The following PRKX variants were observed in gnomAD, a reference collection of about 807,000 sequenced individuals.
PRKX encodes the protein protein kinase cAMP-dependent X-linked catalytic subunit.
PRKX carries 12 observed loss-of-function variants against 22.0 expected under a neutral mutation model. That is an observed-to-expected ratio of 0.54 (90% CI 0.35 to 0.88). The LOEUF (loss-of-function observed/expected upper bound fraction) is 0.88. PRKX is among the 40% of genes least tolerant of loss of function. The pLI is 0.01. For missense variants in PRKX, 217 were observed against 308.0 expected (o/e 0.70, Z 2.21); for synonymous variants, 134 against 137.7 (o/e 0.97, Z 0.19).
chrX:3,650,347 C>T (rs1337493932), intron 3 of PRKX, among the ~76,000 whole-genome samples: 4 of 105,730 alleles, frequency 3.8e-5, no homozygotes, highest in Non-Finnish European at 7.8e-5. Context: ...CAGTGAAACC[C>T]CGTCTCTACT....
chrX:3,610,928 A>C (rs766501743), intron 8 of PRKX: 6 of 111,760 alleles, frequency 5.4e-5, no homozygotes, highest in Non-Finnish European at 9.4e-5. Context: ...AAACAAAAAG[A>C]AGTAAACACA....
chrX:3,638,720 G>C (rs1183493377), intron 4 of PRKX, among the ~76,000 whole-genome samples: 1 of 110,728 alleles, frequency 9.0e-6, no homozygotes, highest in Non-Finnish European at 1.9e-5. Flanking sequence ...AGAGATAGAG[G>C]GATAGGTAGG....
intron 1 of PRKX, among the ~76,000 whole-genome samples, chrX:3,677,633 A>C (rs369739400): frequency 2.7e-5 from 3 of 112,230 alleles, no homozygotes; most frequent in Admixed American, 9.5e-5. Context: ...GTTGTACTTA[A>C]GCTACCAATT....
intron 1 of PRKX, among the ~76,000 whole-genome samples, chrX:3,676,578 C>A (rs1927960410): frequency 8.9e-6 from 1 of 112,324 alleles, no homozygotes; most frequent in Non-Finnish European, 1.9e-5. Context: ...GAAACTCTGG[C>A]ATTTGCAGCA....
intron 1 of PRKX, among the ~76,000 whole-genome samples, chrX:3,679,785 C>T (rs1471567995): frequency 8.9e-6 from 1 of 112,044 alleles, no homozygotes; most frequent in Middle Eastern, 4.2e-3. Flanking sequence ...ATGGCAATCT[C>T]GGGAAGGTGT....
intron 1 of PRKX, among the ~76,000 whole-genome samples, chrX:3,689,858 T>G (rs972154864): frequency 3.6e-5 from 4 of 110,992 alleles, no homozygotes; most frequent in Non-Finnish European, 5.7e-5. Flanking sequence ...AAGCCTGTAG[T>G]CCCAGCTACT....
chrX:3,633,338 A>C (rs1286324737), intron 4 of PRKX, among the ~76,000 whole-genome samples: 7 of 110,075 alleles, frequency 6.4e-5, no homozygotes, highest in Non-Finnish European at 1.3e-4. Flanking sequence ...AGGCAGGTGG[A>C]TCACTTGAGC....
rs1357668277 is a variant in PRKX at position 3,608,838 on chromosome X, C to A, written c.*131G>T. On this transcript the variant is annotated 3_prime_UTR_variant, in exon 9 of 9. Coordinates refer to ENST00000262848, the MANE Select transcript of PRKX (RefSeq NM_005044.5). ...GTGCTCTAATCTATTTCTATACACA[C>A]AGGTACAGAGAAAAGTGGAGATGTC... is the stretch of plus-strand genomic sequence containing the variant. 1.8e-5 allele frequency: 2 copies of A among 112,153 alleles called. No individual in the cohort carries two copies. Among genetic ancestry groups the A allele is most frequent in the Non-Finnish European group, 3.8e-5 (2 of 53,294 alleles). The allele number at this position is 112,153 out of a possible 1,213,427, so 9.2% of individuals were successfully genotyped here.
At chrX:3,676,147 C>T (rs948271428) in intron 1 of PRKX, among the ~76,000 whole-genome samples, 2 of 111,694 alleles carry the variant, frequency 1.8e-5, no homozygotes, top group Non-Finnish European at 3.8e-5. Flanking sequence ...TATTTTTAAA[C>T]AACGCATTCA....
At chrX:3,612,834 T>C (rs2146554396) in intron 7 of PRKX, among the ~76,000 whole-genome samples, 1 of 110,517 alleles carries the variant, frequency 9.0e-6, no homozygotes, top group South Asian at 4.0e-4. Flanking sequence ...AGTCATGTGA[T>C]GGAATACAAT....
chrX:3,684,522 C>T (rs1233268320), intron 1 of PRKX, among the ~76,000 whole-genome samples: 1 of 111,768 alleles, frequency 8.9e-6, no homozygotes, highest in Non-Finnish European at 1.9e-5. Flanking sequence ...TAATTACACT[C>T]TGACCTCGGT....
chrX:3,679,928 A>C (rs1928037649), intron 1 of PRKX, among the ~76,000 whole-genome samples: 1 of 111,515 alleles, frequency 9.0e-6, no homozygotes, highest in African/African-American at 3.3e-5. Context: ...GAGCCATTCT[A>C]TGTGTGCAAT....
intron 1 of PRKX, among the ~76,000 whole-genome samples, chrX:3,681,256 C>T (rs1928066176): frequency 9.2e-6 from 1 of 108,564 alleles, no homozygotes; most frequent in Non-Finnish European, 1.9e-5. Flanking sequence ...TGGTTGTGTG[C>T]ACCTGGAGTC....
intron 4 of PRKX, among the ~76,000 whole-genome samples, chrX:3,638,271 CCT>C (rs966363458): frequency 6.3e-5 from 5 of 79,113 alleles, no homozygotes; most frequent in African/African-American, 2.0e-4. Context: ...TTCAGCGTAC[CCT>C]GAGACTAATA....
intron 3 of PRKX, among the ~76,000 whole-genome samples, chrX:3,647,214 A>G (rs1358870911): frequency 9.2e-6 from 1 of 108,194 alleles, no homozygotes; most frequent in African/African-American, 3.3e-5. Flanking sequence ...AAAAATAAAT[A>G]TATATTTATA....
chrX:3,675,038 A>C (rs1397201007), intron 1 of PRKX, among the ~76,000 whole-genome samples: 1 of 111,943 alleles, frequency 8.9e-6, no homozygotes, highest in East Asian at 2.8e-4. Flanking sequence ...ATGGTTCCTC[A>C]ATTTGGGGAC....
At chrX:3,631,645 G>A (rs1366854502) in intron 4 of PRKX, among the ~76,000 whole-genome samples, 2 of 112,247 alleles carry the variant, frequency 1.8e-5, no homozygotes, top group African/African-American at 3.2e-5. Flanking sequence ...AGATGAGATC[G>A]TCCTGGATTA....
At chrX:3,687,248 C>T (rs1928196541) in intron 1 of PRKX, among the ~76,000 whole-genome samples, 1 of 111,406 alleles carries the variant, frequency 9.0e-6, no homozygotes, top group South Asian at 3.7e-4. Context: ...GATCCTCCCA[C>T]CTCAGCCTCC....
intron 4 of PRKX, among the ~76,000 whole-genome samples, chrX:3,638,413 C>T (rs1370603573): frequency 9.0e-6 from 1 of 111,696 alleles, no homozygotes; most frequent in Middle Eastern, 4.2e-3. Context: ...GAACCTCACT[C>T]TATTTAAAAC....
Sources: allele counts gnomAD v4.1 joint callset (sites outside exome capture counted in the v4.1 genomes callset), GRCh38; gene constraint gnomAD v4.1.1; transcripts MANE v1.5; gene names NCBI Gene and HGNC (gene_info 2026-07-23, HGNC 2026-07-21).